Variants in TMEM143 observed in about 807,000 individuals in gnomAD.
TMEM143 encodes the protein transmembrane protein 143.
Under a neutral mutation model 40.3 loss-of-function variants are expected in TMEM143, and 45 were observed. That is an observed-to-expected ratio of 1.12 (90% CI 0.88 to 1.43). The LOEUF is 1.43. Among genes scored for constraint, TMEM143 ranks in the 40% most tolerant of loss-of-function variants. The probability of loss-of-function intolerance (pLI) is 0.00; values close to 1 mark genes in which losing one functional copy is unlikely to be tolerated. For synonymous variants in TMEM143, 299 were observed against 282.7 expected, an observed-to-expected ratio of 1.06 and a Z score of -0.58; for missense variants, 620 against 613.4, an observed-to-expected ratio of 1.01 and a Z score of -0.11.
At chr19:48,339,239 G>A (rs1352069135) in intron 6 of TMEM143, among the ~76,000 whole-genome samples, 1 of 152,166 alleles carries the variant, frequency 6.6e-6, no homozygotes, top group African/African-American at 2.4e-5. Flanking sequence ...GGGATGACAG[G>A]TCATCCTTAG....
At chr19:48,357,000 G>A (rs1270604377) in intron 3 of TMEM143, among the ~76,000 whole-genome samples, 1 of 141,236 alleles carries the variant, frequency 7.1e-6, no homozygotes, top group African/African-American at 2.6e-5. Context: ...CGCCACCTGG[G>A]TTCAAGCGAT....
At chr19:48,362,088 AT>A (rs1970055246) in intron 2 of TMEM143, among the ~76,000 whole-genome samples, 1 of 151,892 alleles carries the variant, frequency 6.6e-6, no homozygotes, top group Admixed American at 6.6e-5. Context: ...GTGCATTTGT[AT>A]GTGTATATTT....
Position 48,360,244 on chromosome 19 carries a change from C to A in TMEM143, c.265-68G>T, listed in dbSNP as rs1319255198. ...CTTCCCCGAGGGAAAGAATTCTTTC[C>A]CTGGCTGCCTAACTACACAATCAGA... On this transcript the variant is annotated intron_variant, in intron 2 of 7. Coordinates refer to ENST00000293261, the MANE Select transcript of TMEM143 (RefSeq NM_018273.4). 3 of 1,475,912 alleles carry A rather than the reference C, an allele frequency of 2.0e-6. No homozygotes were observed. The South Asian group carries it at 3.5e-5, about 17-fold the overall frequency. The allele number at this position is 1,475,912 out of a possible 1,614,324, so 91.4% of individuals were successfully genotyped here.
intron 5 of TMEM143, 100 bp from the exon 6 acceptor site, chr19:48,342,909 A>G (rs963112001): frequency 1.1e-4 from 156 of 1,373,108 alleles, no homozygotes; most frequent in Non-Finnish European, 1.5e-4. Flanking sequence ...CAGTCGCACA[A>G]CCATCTTAAA....
chr19:48,344,264 GTCTC>G (rs1969573676), intron 4 of TMEM143, among the ~76,000 whole-genome samples: 1 of 149,236 alleles, frequency 6.7e-6, no homozygotes, highest in Non-Finnish European at 1.5e-5. Context: ...TTTTTAATGT[GTCTC>G]TCTGTGTGTG....
At chr19:48,343,531 TG>T in intron 4 of TMEM143, 80 bp from the exon 5 acceptor site, 1 of 1,479,716 alleles carries the variant, frequency 6.8e-7, no homozygotes, top group Non-Finnish European at 9.1e-7. Context: ...TCAGATGTCC[TG>T]CCCCTAAATA....
chr19:48,359,243 T>C (rs1271204278), intron 3 of TMEM143, among the ~76,000 whole-genome samples: 2 of 151,840 alleles, frequency 1.3e-5, no homozygotes, highest in Non-Finnish European at 2.9e-5. Flanking sequence ...GTACGATCTG[T>C]CCCCATCCCC....
At chr19:48,338,620 G>A (rs556329834) in intron 6 of TMEM143, among the ~76,000 whole-genome samples, 3 of 152,180 alleles carry the variant, frequency 2.0e-5, no homozygotes, top group Non-Finnish European at 4.4e-5. Context: ...ATGCAGCCTC[G>A]GGCTCCTGCT....
rs1188751389 is a variant in TMEM143, at chr19:48,333,175, G to A, written c.*44C>T. On this transcript the variant is annotated 3_prime_UTR_variant, in exon 8 of 8. Coordinates refer to ENST00000293261, the MANE Select transcript of TMEM143 (RefSeq NM_018273.4). This position sits in a 1 kb window ranked among gnomAD's most constrained non-coding sequence, Gnocchi z 4.1. ...GACAGCCTGTCGTGAAGGAGGCGGG[G>A]CTTAGTTCCTAGCCTGCTGACTGGG... 1.5e-6 allele frequency: 2 copies of A among 1,365,480 alleles called. No homozygotes were observed. Among genetic ancestry groups the A allele is most frequent in the Non-Finnish European group, 1.9e-6 (2 of 1,031,812 alleles). 84.6% of individuals were successfully genotyped at this position (1,365,480 alleles called of 1,614,324 possible).
chr19:48,356,891 GC>G (rs1969912567), intron 3 of TMEM143, among the ~76,000 whole-genome samples: 6 of 123,078 alleles, frequency 4.9e-5, no homozygotes, highest in African/African-American at 1.9e-4. Context: ...ACAGCACCTG[GC>G]CTTTTTTTTT....
At chr19:48,345,063 G>T in intron 4 of TMEM143, 97 bp downstream of exon 4, 2 of 1,351,176 alleles carry the variant, frequency 1.5e-6, no homozygotes, top group Non-Finnish European at 1.0e-6. Context: ...ACAGTCCCAG[G>T]CTCAGGACTA....
At chr19:48,345,531 T>C (rs1260223878) in intron 3 of TMEM143, among the ~76,000 whole-genome samples, 177 bp from the exon 4 acceptor site, 1 of 151,982 alleles carries the variant, frequency 6.6e-6, no homozygotes, top group African/African-American at 2.4e-5. Flanking sequence ...CGTTCTCCGC[T>C]CACTGCAACC....
intron 2 of TMEM143, among the ~76,000 whole-genome samples, chr19:48,361,704 T>A (rs555101884): frequency 1.3e-5 from 2 of 152,092 alleles, no homozygotes; most frequent in Non-Finnish European, 2.9e-5. Context: ...TAATTTTTTG[T>A]ATTTTTAGTA....
chr19:48,349,427 TAAGGCCAGG>T (rs1969715362), intron 3 of TMEM143, among the ~76,000 whole-genome samples: 4 of 152,056 alleles, frequency 2.6e-5, no homozygotes, highest in African/African-American at 9.7e-5. Context: ...AAGGACTGCT[TAAGGCCAGG>T]AGTTCAAGAC....
intron 6 of TMEM143, among the ~76,000 whole-genome samples, chr19:48,340,551 C>T (rs957121652): frequency 6.6e-6 from 1 of 152,134 alleles, no homozygotes; most frequent in Non-Finnish European, 1.5e-5. Flanking sequence ...AGGCATGTGC[C>T]ACCATGCCTG....
rs376250774 is a variant in TMEM143 at position 48,345,398 on chromosome 19, A to C, written c.370-44T>G. Reference sequence around the variant, plus strand: ...AGAAAAAGATGGGATAGGTCTCTGCATGAAGGATTCTAGGGACATCTAAGG... The same window carrying C: ...AGAAAAAGATGGGATAGGTCTCTGCCTGAAGGATTCTAGGGACATCTAAGG... On this transcript the variant is annotated intron_variant, in intron 3 of 7. Coordinates refer to ENST00000293261, the MANE Select transcript of TMEM143 (RefSeq NM_018273.4). 43 of 1,449,674 alleles carry C rather than the reference A, an allele frequency of 3.0e-5. No homozygotes were observed. The African/African-American group carries it at 5.5e-4, about 19-fold the overall frequency. The allele number at this position is 1,449,674 out of a possible 1,614,324, so 89.8% of individuals were successfully genotyped here. A position where few individuals can be genotyped will look rare whatever the true frequency, so the allele number is the denominator to read the frequency against.
rs777053000 is a variant in TMEM143 at position 48,345,260 on chromosome 19, C to G, written c.464G>C (p.Arg155Pro). The G allele has an allele frequency of 1.2e-6, 2 of 1,612,844 alleles. No individual in the cohort carries two copies. The highest frequency in any genetic ancestry group is 2.2e-5 in the East Asian group (1 of 44,734). Residue 155 changes from arginine (R) to proline (P), a missense_variant, in exon 4 of 8, where the codon CGG (arginine) becomes CCG (proline). Physicochemically the swap from Arg to Pro is moderately radical, Grantham distance 103. Transcript: ENST00000293261. ...CTGGGCCAGCAGGGGCTCCAGAGCC[C>G]GAAGCACCTCCTGCTCATTAGACAG... ...QRLSNEQEVL[R>P]ALEPLLAQAN...
At position 48,333,950 on chromosome 19, in the gene TMEM143, G is replaced by A; in HGVS notation, c.1165+58C>T. On this transcript the variant is annotated intron_variant, in intron 7 of 7. Transcript: ENST00000293261. The surrounding 1 kb of genome is among the most constrained non-coding windows in gnomAD (Gnocchi z 4.1). Reference sequence around the variant, plus strand: ...CTGGGGGTGGGGACGCATCTCGCTGGGGCGGGGCCTCGCGGGGGTGTGGCC... The same window carrying A: ...CTGGGGGTGGGGACGCATCTCGCTGAGGCGGGGCCTCGCGGGGGTGTGGCC... The A allele has an allele frequency of 6.9e-7, 1 of 1,452,978 alleles. No homozygotes were observed. Among genetic ancestry groups the A allele is most frequent in the Non-Finnish European group, 9.1e-7 (1 of 1,100,880 alleles). The allele number at this position is 1,452,978 out of a possible 1,614,324, so 90.0% of individuals were successfully genotyped here.
intron 3 of TMEM143, among the ~76,000 whole-genome samples, chr19:48,348,110 C>A (rs1706689716): frequency 6.6e-6 from 1 of 152,172 alleles, no homozygotes; most frequent in East Asian, 1.9e-4. Flanking sequence ...CCCACATCCT[C>A]CAGCCTAGGC....
Sources: gnomAD v4.1 joint callset for allele counts (sites outside exome capture counted in the v4.1 genomes callset) on GRCh38, gnomAD v4.1.1 for gene constraint, Gnocchi (gnomAD v3.1) non-coding constraint, MANE v1.5 for transcripts, NCBI Gene and HGNC (gene_info 2026-07-23, HGNC 2026-07-21) for gene names.